The following LCOR variants were observed in gnomAD, a reference collection of about 807,000 sequenced individuals.
LCOR encodes ligand dependent nuclear receptor corepressor.
In LCOR, 14 loss-of-function variants were observed where a neutral mutation model predicts 64.4. The ratio of observed to expected loss-of-function variants is 0.22; its 90% CI spans 0.14 to 0.34. The LOEUF is 0.34. Ranked by LOEUF, LCOR falls within the 10% of genes least tolerant of loss-of-function variation. LCOR has a pLI of 1.00. For synonymous variants in LCOR, 643 were observed against 642.5 expected (o/e 1.00, Z -0.01); for missense variants, 1,686 against 1,765.3 (o/e 0.96, Z 0.80).
At position 96,881,311 on chromosome 10, in the gene LCOR, G is replaced by A. The variant is rs1254977101; in HGVS notation, c.-329-25954G>A. ...GATTACACAAAGTAATGAATGTCAA[G>A]TTTTAGAATACAGTTTAATGATGGT... On this transcript the variant is annotated intron_variant, in intron 2 of 7. Transcript: ENST00000421806. Among the ~76,000 whole-genome samples the A allele has an allele frequency of 2.0e-5, 3 of 152,124 alleles. No individual in the cohort carries two copies. In the East Asian group the frequency reaches 5.8e-4, roughly 29 times the overall value.
At chr10:96,953,325 G>T (rs1196936499) in intron 7 of LCOR, among the ~76,000 whole-genome samples, 1 of 152,052 alleles carries the variant, frequency 6.6e-6, no homozygotes, top group Admixed American at 6.6e-5. Context: ...GCTGAAGCGG[G>T]CAGATCACTT....
intron 4 of LCOR, among the ~76,000 whole-genome samples, chr10:96,943,186 C>T (rs1172128486): frequency 6.6e-6 from 1 of 152,176 alleles, no homozygotes; most frequent in Non-Finnish European, 1.5e-5. Context: ...ACCTCCACCT[C>T]CTGGGTTCAA....
intron 2 of LCOR, among the ~76,000 whole-genome samples, chr10:96,838,657 A>T (rs1845487455): frequency 1.3e-5 from 2 of 152,200 alleles, no homozygotes; most frequent in Non-Finnish European, 1.5e-5. Context: ...CATTATCAGC[A>T]CTTTGTTTCT....
At chr10:96,844,856 C>T (rs959656019) in intron 2 of LCOR, among the ~76,000 whole-genome samples, 9 of 152,146 alleles carry the variant, frequency 5.9e-5, no homozygotes, top group African/African-American at 2.2e-4. Context: ...AGTGTAGCTG[C>T]TTGGCCTTTT....
intron 4 of LCOR, among the ~76,000 whole-genome samples, chr10:96,928,975 A>C (rs116855560): frequency 0.033 from 5,006 of 152,300 alleles, 128 homozygotes; most frequent in Non-Finnish European, 0.051. Flanking sequence ...AGTATGTCTT[A>C]ACTGGGGACT....
chr10:96,941,923 T>G, intron 4 of LCOR, among the ~76,000 whole-genome samples: 1 of 90,224 alleles, frequency 1.1e-5, no homozygotes, highest in Non-Finnish European at 2.4e-5. Context: ...CTAGATGGGA[T>G]GGCGGCCGGG....
At chr10:96,958,896 A>G (rs1160835914) in intron 7 of LCOR, 3 of 147,092 alleles carry the variant, frequency 2.0e-5, no homozygotes, top group Non-Finnish European at 4.4e-5. Context: ...CCTCTCAAAA[A>G]AGAAAAACTT....
chr10:96,904,250 C>G (rs78070365), intron 2 of LCOR, among the ~76,000 whole-genome samples: 2,828 of 152,166 alleles, frequency 0.019, 43 homozygotes, highest in Non-Finnish European at 0.027. Context: ...GAGAGAGATA[C>G]TATATTTTAG....
intron 4 of LCOR, among the ~76,000 whole-genome samples, chr10:96,938,139 G>A (rs557999195): frequency 4.6e-5 from 7 of 151,768 alleles, no homozygotes; most frequent in African/African-American, 1.7e-4. Context: ...TAACTGATTT[G>A]TAGAGACGGG....
rs79463534 is a variant in LCOR at position 96,890,494 on chromosome 10, A to G, written c.-329-16771A>G. The stretch of plus-strand genomic sequence containing the variant: ...TTCTTTAGAATTATGTATATATAAA[A>G]TCATGTCATCTATAAAAGTAGTTTT... On this transcript the variant is annotated intron_variant, in intron 2 of 7. Transcript: ENST00000421806. Among the ~76,000 whole-genome samples the G allele has an allele frequency of 2.6e-5, 4 of 152,284 alleles. No homozygotes were observed. The East Asian group carries it at 5.8e-4, about 22-fold the overall frequency.
At chr10:96,921,056 C>T (rs987290757) in intron 4 of LCOR, among the ~76,000 whole-genome samples, 1 of 152,034 alleles carries the variant, frequency 6.6e-6, no homozygotes, top group South Asian at 2.1e-4. Context: ...TCCTAGAACT[C>T]CTAGGCTCAT....
intron 2 of LCOR, among the ~76,000 whole-genome samples, chr10:96,857,593 T>C (rs1346468963): frequency 6.6e-6 from 1 of 152,192 alleles, no homozygotes; most frequent in Non-Finnish European, 1.5e-5. Flanking sequence ...ATTTAGGCTA[T>C]TGAAAGTGAA....
At chr10:96,883,000 A>G (rs1465359657) in intron 2 of LCOR, among the ~76,000 whole-genome samples, 2 of 152,138 alleles carry the variant, frequency 1.3e-5, no homozygotes, top group Non-Finnish European at 2.9e-5. Flanking sequence ...TTTGACAGTT[A>G]TAAATAAAGC....
intron 2 of LCOR, among the ~76,000 whole-genome samples, chr10:96,867,615 TG>T (rs1845995902): frequency 6.6e-6 from 1 of 151,924 alleles, no homozygotes; most frequent in Admixed American, 6.6e-5. Context: ...ATTTATAAGC[TG>T]AATGTGGTGG....
chr10:96,953,947 A>T (rs896687144), intron 7 of LCOR, among the ~76,000 whole-genome samples: 1 of 152,204 alleles, frequency 6.6e-6, no homozygotes, highest in Admixed American at 6.5e-5. Context: ...CAGTCTTAAT[A>T]TTGATAATCT....
At chr10:96,979,791 G>A (rs905220133) in intron 7 of LCOR, among the ~76,000 whole-genome samples, 3 of 152,190 alleles carry the variant, frequency 2.0e-5, no homozygotes, top group Non-Finnish European at 2.9e-5. Flanking sequence ...CCAGGAAAGG[G>A]TAGCAGGATT....
At chr10:96,965,688 G>A (rs1006088395) in intron 7 of LCOR, among the ~76,000 whole-genome samples, 3 of 149,688 alleles carry the variant, frequency 2.0e-5, no homozygotes, top group Admixed American at 6.6e-5. Flanking sequence ...AAAAAAAGAC[G>A]GGCTATCTAG....
intron 4 of LCOR, among the ~76,000 whole-genome samples, chr10:96,924,908 A>G (rs1183469447): frequency 1.3e-5 from 2 of 152,008 alleles, no homozygotes; most frequent in Admixed American, 6.6e-5. Context: ...ATCTTACTCA[A>G]ATTTTACCGA....
chr10:96,892,309 C>A (rs1429330689), intron 2 of LCOR, among the ~76,000 whole-genome samples: 1 of 152,016 alleles, frequency 6.6e-6, no homozygotes, highest in Non-Finnish European at 1.5e-5. Context: ...CTTAAATGTT[C>A]TTGATTGACT....
Sources: gnomAD v4.1 joint callset for allele counts (sites outside exome capture counted in the v4.1 genomes callset) on GRCh38, gnomAD v4.1.1 for gene constraint, MANE v1.5 for transcripts, NCBI Gene and HGNC (gene_info 2026-07-23, HGNC 2026-07-21) for gene names.